ERCC6: variants seen among roughly 807,000 people sequenced by gnomAD.
The protein encoded by ERCC6 is ERCC excision repair 6, chromatin remodeling factor.
Under a neutral mutation model 158.7 loss-of-function variants are expected in ERCC6, and 116 were observed. That is an observed-to-expected ratio of 0.73 (90% CI 0.63 to 0.85). ERCC6 has a LOEUF of 0.85. Among genes scored for constraint, ERCC6 ranks in the 40% least tolerant of loss-of-function variants. ERCC6 has a pLI of 0.00. For missense variants in ERCC6, 1,698 were observed against 1,799.4 expected (o/e 0.94, Z 1.02); for synonymous variants, 678 against 659.3 (o/e 1.03, Z -0.43).
the ERCC6 span, among the ~76,000 whole-genome samples, chr10:49,444,815 C>T: frequency 2.6e-5 from 4 of 152,248 alleles, no homozygotes; most frequent in East Asian, 5.8e-4. Context: ...TTCACACATG[C>T]ATGCATGCAC....
chr10:49,470,414 C>T lies in ERCC6; in HGVS notation c.3546G>A (p.Lys1182=), dbSNP rs769594258. The stretch of plus-strand genomic sequence containing the variant: ...CCACACTATGATGTTTTGTTTTTGA[C>T]TTGTGCTTATAAAAATTATTTTCCA... The part of the protein sequence containing the change: ...KQMENNFYKH[K]SKTKHHSVAE... Residue 1182 remains lysine, a synonymous_variant, in exon 18 of 21, where the codon AAG becomes AAA. Transcript: ENST00000355832. 7 of 1,614,122 alleles carry T rather than the reference C, an allele frequency of 4.3e-6. No individual in the cohort carries two copies. Among genetic ancestry groups the T allele is most frequent in the Non-Finnish European group, 5.9e-6 (7 of 1,179,994 alleles).
intron 4 of ERCC6, among the ~76,000 whole-genome samples, chr10:49,525,540 T>C (rs1382699241): frequency 6.6e-6 from 1 of 152,176 alleles, no homozygotes; most frequent in Non-Finnish European, 1.5e-5. Context: ...TTAGTTGAAA[T>C]TCATCTCTGG....
At chr10:49,494,769 T>G (rs1330472404) in intron 7 of ERCC6, among the ~76,000 whole-genome samples, 1 of 152,208 alleles carries the variant, frequency 6.6e-6, no homozygotes, top group Non-Finnish European at 1.5e-5. Context: ...TCTCCTGGTC[T>G]TTCTGGCTAC....
At chr10:49,534,133 C>CAAAAAAAAAAAAAAAAAAAAAAAAA (rs746772551) in intron 1 of ERCC6, among the ~76,000 whole-genome samples, 2 of 60,320 alleles carry the variant, frequency 3.3e-5, no homozygotes, top group East Asian at 4.8e-4. Context: ...GACTCAATCT[C>CAAAAAAAAAAAAAAAAAAAAAAAAA]AAAAAAAAAA....
chr10:49,473,580 T>C lies in ERCC6; in HGVS notation c.2606A>G (p.Asp869Gly), dbSNP rs1003526208. 4 of 1,593,606 alleles carry C rather than the reference T, an allele frequency of 2.5e-6. No individual in the cohort carries two copies. In the African/African-American group the frequency reaches 4.0e-5, roughly 16 times the overall value. ...LLFSQSRQML[D>G]ILEVFLRAQK... Reference sequence around the variant, plus strand: ...GGCTCTAAGGAATACTTCAAGTATGTCCAGCATCTGTTTGGAGGTGGGGGA... The same window carrying C: ...GGCTCTAAGGAATACTTCAAGTATGCCCAGCATCTGTTTGGAGGTGGGGGA... Residue 869 changes from aspartate (D) to glycine (G), a missense_variant, in exon 14 of 21, where the codon GAC (aspartate) becomes GGC (glycine). Asp to Gly is a moderately conservative substitution (Grantham distance 94). Transcript: ENST00000355832.
intron 7 of ERCC6, among the ~76,000 whole-genome samples, chr10:49,499,557 G>C (rs750847496): frequency 2.6e-5 from 4 of 152,064 alleles, no homozygotes; most frequent in Non-Finnish European, 5.9e-5. Flanking sequence ...AGGTTTCCTG[G>C]GCACACCCCT....
At chr10:49,463,280 G>A (rs1250470781) in intron 18 of ERCC6, among the ~76,000 whole-genome samples, 1 of 152,136 alleles carries the variant, frequency 6.6e-6, no homozygotes, top group Admixed American at 6.5e-5. Context: ...TGTTAATTGT[G>A]TTTTGACTGT....
At chr10:49,511,454 T>A (rs3763730) in intron 5 of ERCC6, among the ~76,000 whole-genome samples, 31 of 150,020 alleles carry the variant, frequency 2.1e-4, no homozygotes, top group African/African-American at 7.4e-4. Flanking sequence ...AGACAAAGTC[T>A]CACTCTGTCA....
chr10:49,532,841 C>T lies in ERCC6; in HGVS notation c.124G>A (p.Glu42Lys). 6.2e-7 allele frequency: 1 copy of T among 1,614,230 alleles called. No individual in the cohort carries two copies. The highest frequency in any genetic ancestry group is 2.2e-5 in the East Asian group (1 of 44,884). ...KQESGGDGEV[E>K]EYLSFRSVGD... ...ACAGAACGAAAGGAGAGGTACTCCT[C>T]CACCTCCCCATCACCACCACTTTCT... Residue 42 changes from glutamate (E) to lysine (K), a missense_variant, in exon 2 of 21, where the codon GAG (glutamate) becomes AAG (lysine). Transcript: ENST00000355832.
chr10:49,475,446 G>C (rs74750824), intron 12 of ERCC6: 5 of 449,056 alleles, frequency 1.1e-5, no homozygotes, highest in African/African-American at 1.0e-4. Flanking sequence ...ACCTGAAGAA[G>C]TTAAGGGGAG....
intron 1 of ERCC6, among the ~76,000 whole-genome samples, chr10:49,538,196 C>T (rs913101238): frequency 6.6e-6 from 1 of 152,216 alleles, no homozygotes; most frequent in African/African-American, 2.4e-5. Flanking sequence ...ACTGGGGCTC[C>T]CGCAGCCAGG....
downstream of ERCC6, among the ~76,000 whole-genome samples, chr10:49,450,980 T>A (rs1850414000): frequency 6.6e-6 from 1 of 151,858 alleles, no homozygotes; most frequent in Non-Finnish European, 1.5e-5. Flanking sequence ...CCTGGCTAAT[T>A]TTTTGTATTT....
chr10:49,533,053 G>A, intron 1 of ERCC6, 75 bp from the exon 2 acceptor site: 1 of 1,492,120 alleles, frequency 6.7e-7, no homozygotes, highest in South Asian at 1.2e-5. Context: ...TATAATTAGA[G>A]CAGACTGATT....
intron 20 of ERCC6, 192 bp downstream of exon 20, chr10:49,460,181 T>C: frequency 3.2e-6 from 2 of 634,082 alleles, no homozygotes; most frequent in South Asian, 3.7e-5. Context: ...TTAAAGACTT[T>C]GTCTTTAGGA....
intron 4 of ERCC6, 106 bp downstream of exon 4, chr10:49,528,311 G>T: frequency 7.4e-7 from 1 of 1,349,432 alleles, no homozygotes. Context: ...GCAAAGAAAC[G>T]TATTTTTCTC....
chr10:49,443,016 G>C, the ERCC6 span, among the ~76,000 whole-genome samples: 1 of 152,144 alleles, frequency 6.6e-6, no homozygotes, highest in African/African-American at 2.4e-5. Flanking sequence ...ATTTACTTCT[G>C]ACGCTTGTGC....
intron 5 of ERCC6, chr10:49,515,187 A>AG: frequency 7.6e-7 from 1 of 1,308,710 alleles, no homozygotes; most frequent in Non-Finnish European, 9.7e-7. Flanking sequence ...GAAAAATTCA[A>AG]GGAACAAAAA....
the ERCC6 span, among the ~76,000 whole-genome samples, chr10:49,446,848 C>T: frequency 2.0e-5 from 3 of 152,202 alleles, no homozygotes; most frequent in South Asian, 6.2e-4. Context: ...ATAGCTTAAC[C>T]AGAAAGTTAG....
rs1315858661 is a variant in ERCC6, at chr10:49,524,664, G to A, written c.766C>T (p.Gln256Ter). The A allele has an allele frequency of 6.2e-7, 1 of 1,613,660 alleles. No homozygotes were observed. The highest frequency in any genetic ancestry group is 1.3e-5 in the African/African-American group (1 of 74,892). ...TPFGTQIPQKQEKKPRKIMLN... is the reference protein window; with the variant it reads ...TPFGTQIPQK ...ATGATTTTTCTGGGCTTTTTCTCCTGTTTCTGAGGGATCTGGGTACCAAAA... is the reference window on the plus strand; with the variant it reads ...ATGATTTTTCTGGGCTTTTTCTCCTATTTCTGAGGGATCTGGGTACCAAAA... The change falls in exon 5 of 21, where the codon CAG (glutamine) becomes TAG (stop). Residue 256 changes from glutamine to a stop codon, truncating the protein, a stop_gained. Coordinates refer to ENST00000355832, the MANE Select transcript of ERCC6 (RefSeq NM_000124.4). LOFTEE classifies it high-confidence loss of function.
Sources: gnomAD v4.1 joint callset for allele counts (sites outside exome capture counted in the v4.1 genomes callset) on GRCh38, gnomAD v4.1.1 for gene constraint, MANE v1.5 for transcripts, NCBI Gene and HGNC (gene_info 2026-07-23, HGNC 2026-07-21) for gene names.